The following NFILZ variants were observed in gnomAD, a reference collection of about 807,000 sequenced individuals.
NFILZ encodes the protein NFIL3 like basic leucine zipper, also known as NFIL3 like protein.
intron 3 of NFILZ, among the ~76,000 whole-genome samples, chr19:8,653,051 T>TA (rs2042976258): frequency 1.1e-5 from 1 of 91,432 alleles, no homozygotes; most frequent in Non-Finnish European, 2.3e-5. Flanking sequence ...TCTCTCTCTC[T>TA]CTCTCTCTCT....
In NFILZ at chr19:8,680,788, G is replaced by T. The variant is rs1329365939; in HGVS notation, c.*3153G>T. Among the ~76,000 whole-genome samples the T allele has an allele frequency of 2.6e-5, 4 of 152,174 alleles. No individual in the cohort carries two copies. The highest frequency in any genetic ancestry group is 9.7e-5 in the African/African-American group (4 of 41,436). Reference sequence around the variant, plus strand: ...GCTGAGAAAGTGACATTTGAACAGAGACTTGAGAGAGATGAAGGGGGGAGT... The same window carrying T: ...GCTGAGAAAGTGACATTTGAACAGATACTTGAGAGAGATGAAGGGGGGAGT... On this transcript the variant is annotated 3_prime_UTR_variant, in exon 6 of 6. Coordinates refer to ENST00000691075, the MANE Select transcript of NFILZ (RefSeq NM_001378600.1).
At chr19:8,647,793 G>GCGCA (rs1555747284) in intron 3 of NFILZ, among the ~76,000 whole-genome samples, 2 of 69,612 alleles carry the variant, frequency 2.9e-5, no homozygotes, top group Admixed American at 1.6e-4. Context: ...GCGCGCGCGC[G>GCGCA]CGCACACACA....
At chr19:8,636,863 A>G (rs1356706321) in intron 3 of NFILZ, among the ~76,000 whole-genome samples, 1 of 152,108 alleles carries the variant, frequency 6.6e-6, no homozygotes, top group Admixed American at 6.6e-5. Context: ...AAGTTTTGGG[A>G]TTACAGGCAT....
chr19:8,650,972 T>C (rs1388411132), intron 3 of NFILZ, among the ~76,000 whole-genome samples: 1 of 152,172 alleles, frequency 6.6e-6, no homozygotes, highest in Non-Finnish European at 1.5e-5. Context: ...CACTTTCTTT[T>C]TCTTAAATTT....
rs536491757 is a variant in NFILZ, at chr19:8,647,223, C to A, written c.-164+11477C>A. On this transcript the variant is annotated intron_variant, in intron 3 of 5. Transcript: ENST00000691075. The stretch of plus-strand genomic sequence containing the variant: ...AGCCCAAATGCCCATCAATGATAGA[C>A]TGGATAAAGAAAATGTGGTACATAC... Among the ~76,000 whole-genome samples, 4 of 152,046 alleles carry A rather than the reference C, an allele frequency of 2.6e-5. No individual in the cohort carries two copies. In the South Asian group the frequency reaches 8.3e-4, roughly 32 times the overall value.
At position 8,647,789 on chromosome 19, in the gene NFILZ, G is replaced by GCACA. The variant is rs1305749598; in HGVS notation, c.-164+12044_-164+12045insACAC. Among the ~76,000 whole-genome samples, 983 of 107,888 alleles carry GCACA rather than the reference G, an allele frequency of 9.1e-3. 14 individuals are homozygous for GCACA. Among genetic ancestry groups the GCACA allele is most frequent in the African/African-American group, 0.035 (898 of 25,464 alleles). The allele number at this position is 107,888 out of a possible 152,430, so 70.8% of individuals were successfully genotyped here. A position where few individuals can be genotyped will look rare whatever the true frequency, so the allele number is the denominator to read the frequency against. On this transcript the variant is annotated intron_variant, in intron 3 of 5. Transcript: ENST00000691075. ...CACACACGCACACATGCGCGCGCGC[G>GCACA]CGCGCGCACACACACACACACACAC...
At chr19:8,660,933 C>A (rs2043027461) in intron 3 of NFILZ, among the ~76,000 whole-genome samples, 3 of 151,236 alleles carry the variant, frequency 2.0e-5, no homozygotes, top group Admixed American at 6.6e-5. Context: ...AGCCACCATA[C>A]CTGCCCTCCT....
intron 3 of NFILZ, among the ~76,000 whole-genome samples, chr19:8,666,626 G>C (rs2043063524): frequency 6.6e-6 from 1 of 152,056 alleles, no homozygotes; most frequent in Non-Finnish European, 1.5e-5. Flanking sequence ...GGCCAATATT[G>C]GCTATTTCTC....
intron 3 of NFILZ, among the ~76,000 whole-genome samples, chr19:8,659,902 T>C (rs1271038136): frequency 2.6e-5 from 4 of 151,934 alleles, no homozygotes; most frequent in African/African-American, 9.7e-5. Flanking sequence ...CGGCCACCTC[T>C]AGGGTGGTGG....
chr19:8,656,459 T>TCCCGCAGCCCAC (rs2043001522), intron 3 of NFILZ, among the ~76,000 whole-genome samples: 1 of 66,040 alleles, frequency 1.5e-5, no homozygotes, highest in African/African-American at 5.6e-5. Context: ...GCCCACCTTC[T>TCCCGCAGCCCAC]CTCTGAAGCC....
chr19:8,667,108 A>G (rs568513576), intron 3 of NFILZ, among the ~76,000 whole-genome samples: 3 of 151,952 alleles, frequency 2.0e-5, no homozygotes, highest in Non-Finnish European at 2.9e-5. Flanking sequence ...TGGAAGCCCC[A>G]TTCCTTATTA....
Position 8,662,463 on chromosome 19 carries a change from G to A in NFILZ, c.-163-12088G>A, listed in dbSNP as rs967411990. On this transcript the variant is annotated intron_variant, in intron 3 of 5. Transcript: ENST00000691075. ...TGGCAGAGGGAACAGCCTGTGCAAA[G>A]ACCCTGAGGCAGGACTGCATTGGGG... Among the ~76,000 whole-genome samples the A allele has an allele frequency of 3.3e-5, 5 of 152,132 alleles. No individual in the cohort carries two copies. The South Asian group carries it at 1.0e-3, about 32-fold the overall frequency.
At chr19:8,674,495 A>T (rs549526274) in intron 3 of NFILZ, among the ~76,000 whole-genome samples, 56 bp from the exon 4 acceptor site, 4 of 151,818 alleles carry the variant, frequency 2.6e-5, no homozygotes, top group East Asian at 3.9e-4. Context: ...TTCTTGGGCA[A>T]ATAAATTTGA....
At chr19:8,652,294 G>A (rs1280421880) in intron 3 of NFILZ, among the ~76,000 whole-genome samples, 4 of 152,008 alleles carry the variant, frequency 2.6e-5, no homozygotes, top group Non-Finnish European at 4.4e-5. Flanking sequence ...TAGTAGAGAC[G>A]GGGTTTCACC....
At chr19:8,636,852 A>G (rs541436573) in intron 3 of NFILZ, among the ~76,000 whole-genome samples, 1 of 152,180 alleles carries the variant, frequency 6.6e-6, no homozygotes, top group African/African-American at 2.4e-5. Context: ...TTGGCCTCCC[A>G]AAGTTTTGGG....
At chr19:8,634,882 CAAACAAACAAACAAACAAACAAAA>C (rs1405697289) in intron 2 of NFILZ, among the ~76,000 whole-genome samples, 1 of 133,826 alleles carries the variant, frequency 7.5e-6, no homozygotes, top group African/African-American at 2.5e-5. Flanking sequence ...AACAAACAAA[CAAACAAACAAACAAACAAACAAAA>C]AAACAAAAAA....
chr19:8,654,126 G>A (rs1444064508), intron 3 of NFILZ, among the ~76,000 whole-genome samples: 3 of 152,072 alleles, frequency 2.0e-5, no homozygotes, highest in South Asian at 2.1e-4. Flanking sequence ...CAGCTAATCC[G>A]GAGGCTGAGG....
At chr19:8,653,030 T>TC (rs1568420472) in intron 3 of NFILZ, among the ~76,000 whole-genome samples, 1 of 59,650 alleles carries the variant, frequency 1.7e-5, no homozygotes, top group Admixed American at 2.1e-4. Context: ...CTTTCTTTCT[T>TC]TCTTTCTTTC....
At chr19:8,646,420 A>G (rs2042939504) in intron 3 of NFILZ, among the ~76,000 whole-genome samples, 1 of 152,170 alleles carries the variant, frequency 6.6e-6, no homozygotes, top group Non-Finnish European at 1.5e-5. Flanking sequence ...CCAAGGCCAC[A>G]CAGCTGGCGT....
Sources: allele counts gnomAD v4.1 joint callset (sites outside exome capture counted in the v4.1 genomes callset), GRCh38; gene constraint gnomAD v4.1.1; transcripts MANE v1.5; gene names NCBI Gene and HGNC (gene_info 2026-07-23, HGNC 2026-07-21).